Variants in MGAT4C observed in about 807,000 individuals in gnomAD.
The protein encoded by MGAT4C is alpha-1,3-mannosyl-glycoprotein 4-beta-N-acetylglucosaminyltransferase C.
MGAT4C carries 19 observed loss-of-function variants against 40.1 expected under a neutral mutation model. The observed-to-expected ratio is 0.47, with a 90% CI of 0.33 to 0.70. MGAT4C has a LOEUF of 0.70. MGAT4C is among the 30% of genes least tolerant of loss of function. The probability of loss-of-function intolerance (pLI) is 0.02; values close to 1 mark genes in which losing one functional copy is unlikely to be tolerated. For missense variants in MGAT4C, 491 were observed against 563.2 expected, an observed-to-expected ratio of 0.87 and a Z score of 1.30; for synonymous variants, 181 against 187.1, an observed-to-expected ratio of 0.97 and a Z score of 0.27.
intron 3 of MGAT4C, among the ~76,000 whole-genome samples, chr12:86,397,064 G>A (rs1956275595): frequency 1.3e-5 from 2 of 151,838 alleles, no homozygotes; most frequent in Non-Finnish European, 2.9e-5. Flanking sequence ...AAAGATGGAG[G>A]CCTGCATTTT....
chr12:86,310,168 T>G lies in MGAT4C; in HGVS notation c.-57+23897A>C, dbSNP rs1461640500. Among the ~76,000 whole-genome samples the G allele has an allele frequency of 2.0e-5, 3 of 151,988 alleles. No individual in the cohort carries two copies. In the East Asian group the frequency reaches 5.8e-4, roughly 29 times the overall value. On this transcript the variant is annotated intron_variant, in intron 4 of 7. Transcript: ENST00000548651. The stretch of plus-strand genomic sequence containing the variant: ...TCTCAAACTCAATTTTTTTTTTTTT[T>G]GCCTGAGGTCAGGCAGGTAATGTGA...
At chr12:86,670,500 C>G (rs1742868231) in intron 2 of MGAT4C, among the ~76,000 whole-genome samples, 1 of 151,810 alleles carries the variant, frequency 6.6e-6, no homozygotes, top group Non-Finnish European at 1.5e-5. Flanking sequence ...GCTTGAGGAC[C>G]TGTGTCTCAA....
At chr12:86,684,800 T>C (rs1047182210) in intron 2 of MGAT4C, among the ~76,000 whole-genome samples, 4 of 152,178 alleles carry the variant, frequency 2.6e-5, no homozygotes, top group Admixed American at 6.5e-5. Flanking sequence ...GAGCTTTTTT[T>C]TTTTCATATG....
chr12:86,202,055 A>G (rs1232524014), intron 1 of MGAT4C, among the ~76,000 whole-genome samples: 1 of 152,116 alleles, frequency 6.6e-6, no homozygotes, highest in Non-Finnish European at 1.5e-5. Context: ...AGGATTTTTC[A>G]CGAATCCAAT....
chr12:85,968,583 G>A lies in MGAT4C; in HGVS notation c.*10706C>T, dbSNP rs1049112394. Reference sequence around the variant, plus strand: ...AAACAACACAGAATAATCTACGCTTGTCATCATGTTTTCTAATCTATAATC... The same window carrying A: ...AAACAACACAGAATAATCTACGCTTATCATCATGTTTTCTAATCTATAATC... On this transcript the variant is annotated 3_prime_UTR_variant, in exon 5 of 5. Transcript: ENST00000611864. 5.9e-5 allele frequency: 9 copies of A among 151,934 alleles called. No homozygotes were observed. The highest frequency in any genetic ancestry group is 1.3e-4 in the Non-Finnish European group (9 of 67,882). 9.4% of individuals were successfully genotyped at this position (151,934 alleles called of 1,614,324 possible).
At position 86,560,304 on chromosome 12, in the gene MGAT4C, A is replaced by ATACCAAAAC. The variant is rs1371965185; in HGVS notation, c.-228-125048_-228-125040dup. On this transcript the variant is annotated intron_variant, in intron 2 of 7. Transcript: ENST00000548651. ...CATCTATGAGGCTGGCATTACCATG[A>ATACCAAAAC]TACCAAAACTAGACAAAGATACAGT... 3.5e-4 allele frequency among the ~76,000 whole-genome samples: 53 copies of ATACCAAAAC among 152,156 alleles called. 1 individual carries two copies. The highest frequency in any genetic ancestry group is 2.9e-3 in the Admixed American group (45 of 15,284).
At chr12:86,173,349 G>T (rs530330694) in intron 1 of MGAT4C, among the ~76,000 whole-genome samples, 66 of 152,142 alleles carry the variant, frequency 4.3e-4, no homozygotes, top group Admixed American at 2.2e-3. Flanking sequence ...TACATGAAGA[G>T]ATATATATTT....
intron 2 of MGAT4C, among the ~76,000 whole-genome samples, chr12:86,546,780 C>T (rs1959195271): frequency 6.6e-6 from 1 of 151,834 alleles, no homozygotes; most frequent in African/African-American, 2.4e-5. Flanking sequence ...GTCATAAAAC[C>T]CTTCTAAAAT....
intron 1 of MGAT4C, among the ~76,000 whole-genome samples, chr12:86,198,746 C>CT (rs1206653299): frequency 6.6e-6 from 1 of 152,126 alleles, no homozygotes; most frequent in Admixed American, 6.5e-5. Context: ...AATTCCATCT[C>CT]TTTTTTTCCC....
At chr12:86,179,150 T>C (rs888901311) in intron 1 of MGAT4C, among the ~76,000 whole-genome samples, 7 of 152,188 alleles carry the variant, frequency 4.6e-5, no homozygotes, top group African/African-American at 1.4e-4. Flanking sequence ...CTAGTGATAC[T>C]GAATACATCT....
intron 1 of MGAT4C, among the ~76,000 whole-genome samples, chr12:86,237,183 A>G (rs1353520593): frequency 1.3e-5 from 2 of 151,522 alleles, no homozygotes; most frequent in African/African-American, 4.8e-5. Context: ...AATGAACAAA[A>G]TGGCAATCTA....
chr12:85,979,387 G>T lies in MGAT4C; in HGVS notation c.1339C>A (p.Gln447Lys), dbSNP rs947159144. 11 of 1,612,526 alleles carry T rather than the reference G, an allele frequency of 6.8e-6. No individual in the cohort carries two copies. Among genetic ancestry groups the T allele is most frequent in the African/African-American group, 5.3e-5 (4 of 74,842 alleles). The change falls in exon 5 of 5, where the codon CAA (glutamine) becomes AAA (lysine). Residue 447 changes from glutamine (Q) to lysine (K), a missense_variant. Gln to Lys is a moderately conservative substitution (Grantham distance 53). Coordinates refer to ENST00000611864, the MANE Select transcript of MGAT4C (RefSeq NM_001351288.2). ...NGNFEMSGVN[Q>K]KIPFDIHCMR... The stretch of plus-strand genomic sequence containing the variant: ...CAATGTATATCAAATGGAATTTTTT[G>T]ATTTACACCTGACATTTCAAAGTTT...
At chr12:86,199,810 A>T (rs549694351) in intron 1 of MGAT4C, among the ~76,000 whole-genome samples, 5 of 152,068 alleles carry the variant, frequency 3.3e-5, no homozygotes, top group Non-Finnish European at 7.4e-5. Context: ...AGAGCTAAAA[A>T]CTCAAATACA....
chr12:86,672,621 C>CTT (rs1964287024), intron 2 of MGAT4C, among the ~76,000 whole-genome samples: 1 of 151,918 alleles, frequency 6.6e-6, no homozygotes, highest in Non-Finnish European at 1.5e-5. Context: ...ATTCAAAGGA[C>CTT]CATTAGTGGA....
chr12:86,475,031 G>A (rs559215210), intron 2 of MGAT4C, among the ~76,000 whole-genome samples: 2 of 152,156 alleles, frequency 1.3e-5, no homozygotes, highest in Admixed American at 1.3e-4. Context: ...ATGTTAATAT[G>A]CATTATAAAA....
At chr12:86,020,655 C>T (rs1889614830) in intron 2 of MGAT4C, among the ~76,000 whole-genome samples, 2 of 152,150 alleles carry the variant, frequency 1.3e-5, no homozygotes, top group Non-Finnish European at 2.9e-5. Flanking sequence ...CTAGGCAATA[C>T]CATCCAGGAC....
chr12:86,084,260 A>T (rs187256577), intron 1 of MGAT4C, among the ~76,000 whole-genome samples: 213 of 152,196 alleles, frequency 1.4e-3, no homozygotes, highest in Middle Eastern at 3.4e-3. Context: ...CTGGTAGGGT[A>T]AAAAACAAGG....
chr12:86,500,024 T>A (rs1341115325), intron 2 of MGAT4C, among the ~76,000 whole-genome samples: 7 of 151,548 alleles, frequency 4.6e-5, no homozygotes, highest in African/African-American at 1.7e-4. Context: ...TTTCAACATA[T>A]CAAAACATGC....
At chr12:86,009,696 C>A (rs1253422510) in intron 2 of MGAT4C, among the ~76,000 whole-genome samples, 2 of 152,118 alleles carry the variant, frequency 1.3e-5, no homozygotes, top group African/African-American at 4.8e-5. Context: ...AGGATAGAGG[C>A]AAATCTGACC....
Sources: gnomAD v4.1 joint callset for allele counts (sites outside exome capture counted in the v4.1 genomes callset) on GRCh38, gnomAD v4.1.1 for gene constraint, MANE v1.5 for transcripts, NCBI Gene and HGNC (gene_info 2026-07-23, HGNC 2026-07-21) for gene names.